The following DCHS2 variants were observed in gnomAD, a reference collection of about 807,000 sequenced individuals.
The protein encoded by DCHS2 is dachsous cadherin-related 2.
Under a neutral mutation model 182.4 loss-of-function variants are expected in DCHS2, and 142 were observed. The observed-to-expected ratio is 0.78, with a 90% CI of 0.68 to 0.89. The LOEUF (loss-of-function observed/expected upper bound fraction) is 0.89, where lower values mean the gene tolerates loss of function less well. DCHS2 is among the 40% of genes least tolerant of loss of function. The pLI, the probability that DCHS2 is intolerant of heterozygous loss-of-function variation, is 0.00. For synonymous variants in DCHS2, 1,740 were observed against 1,663.3 expected (o/e 1.05, Z -1.12); for missense variants, 4,319 against 4,198.6 (o/e 1.03, Z -0.79).
intron 8 of DCHS2, 84 bp from the exon 9 acceptor site, chr4:154,321,306 C>T: frequency 1.5e-6 from 2 of 1,322,658 alleles, no homozygotes; most frequent in Non-Finnish European, 2.0e-6. Flanking sequence ...ATTTTGAAAG[C>T]AAATTCCTTC....
intron 2 of DCHS2, among the ~76,000 whole-genome samples, chr4:154,369,239 A>G (rs1256005834): frequency 1.3e-5 from 2 of 152,184 alleles, no homozygotes; most frequent in African/African-American, 4.8e-5. Flanking sequence ...ACTTCCTCAG[A>G]CAAAAAGGGG....
chr4:154,304,527 GGAGGCT>G, intron 12 of DCHS2, 136 bp downstream of exon 12: 1 of 633,710 alleles, frequency 1.6e-6, no homozygotes, highest in Non-Finnish European at 2.6e-6. Context: ...TACCAATTTG[GGAGGCT>G]GAGGCACAAG....
At chr4:154,395,639 G>T (rs1731898706) in intron 1 of DCHS2, among the ~76,000 whole-genome samples, 1 of 152,104 alleles carries the variant, frequency 6.6e-6, no homozygotes, top group Non-Finnish European at 1.5e-5. Context: ...GTAAAACTGA[G>T]AATTTATCAA....
At chr4:154,285,919 C>A (rs943377464) in intron 13 of DCHS2, among the ~76,000 whole-genome samples, 2 of 152,092 alleles carry the variant, frequency 1.3e-5, no homozygotes, top group Non-Finnish European at 2.9e-5. Context: ...TTCAAGGGGA[C>A]CCAGTGCTGT....
At chr4:154,350,087 C>A (rs1464430178) in intron 3 of DCHS2, among the ~76,000 whole-genome samples, 1 of 152,172 alleles carries the variant, frequency 6.6e-6, no homozygotes, top group African/African-American at 2.4e-5. Context: ...ACTGCTTCTT[C>A]ATTGGAAACA....
intron 1 of DCHS2, among the ~76,000 whole-genome samples, chr4:154,477,882 C>A (rs1345386262): frequency 6.6e-6 from 1 of 152,168 alleles, no homozygotes; most frequent in Non-Finnish European, 1.5e-5. Flanking sequence ...CAGTGAATGA[C>A]TTTTCCTATA....
rs1370091695 is a variant in DCHS2 at position 154,232,582 on chromosome 4, A to G, written c.*1954T>C. 6.6e-6 allele frequency: 1 copy of G among 152,202 alleles called. No individual in the cohort carries two copies. The highest frequency in any genetic ancestry group is 1.5e-5 in the Non-Finnish European group (1 of 68,026). 9.4% of individuals were successfully genotyped at this position (152,202 alleles called of 1,614,324 possible). On this transcript the variant is annotated 3_prime_UTR_variant, in exon 20 of 20. Transcript: ENST00000357232. Reference sequence around the variant, plus strand: ...TAATTAAAAACAACAAAATGTTCTTAGTTTCCAGAAATAATTCTATTGTGA... The same window carrying G: ...TAATTAAAAACAACAAAATGTTCTTGGTTTCCAGAAATAATTCTATTGTGA...
At chr4:154,243,209 G>A (rs1356947263) in intron 16 of DCHS2, among the ~76,000 whole-genome samples, 1 of 152,118 alleles carries the variant, frequency 6.6e-6, no homozygotes, top group African/African-American at 2.4e-5. Flanking sequence ...GCCACTAAAA[G>A]ATTGCTTTGT....
chr4:154,368,005 A>T (rs1730468184), intron 2 of DCHS2, among the ~76,000 whole-genome samples: 1 of 152,108 alleles, frequency 6.6e-6, no homozygotes, highest in South Asian at 2.1e-4. Context: ...AAATAGTCTG[A>T]TTTTCCATGT....
At chr4:154,438,124 C>T (rs1457217282) in intron 1 of DCHS2, among the ~76,000 whole-genome samples, 1 of 152,192 alleles carries the variant, frequency 6.6e-6, no homozygotes, top group Non-Finnish European at 1.5e-5. Context: ...AGACATTTGC[C>T]CCTAAAATCA....
At chr4:154,413,121 C>T (rs562725122) in intron 1 of DCHS2, among the ~76,000 whole-genome samples, 2 of 152,304 alleles carry the variant, frequency 1.3e-5, no homozygotes, top group South Asian at 2.1e-4. Context: ...AACATCCAAC[C>T]ACTGGAGCCA....
At chr4:154,387,425 T>C (rs1477951333) in intron 1 of DCHS2, among the ~76,000 whole-genome samples, 1 of 151,992 alleles carries the variant, frequency 6.6e-6, no homozygotes, top group Non-Finnish European at 1.5e-5. Flanking sequence ...AAAGTGTATA[T>C]AACAAAGAAA....
rs772481916 is a variant in DCHS2, at chr4:154,335,119, GA to G, written c.2477-16del. ...GTAAATAATTCCTGGGTAGGGAAAA[GA>G]AAACATTGGTAAACAGATAACATGT... On this transcript the variant is annotated splice_polypyrimidine_tract_variant and intron_variant, in intron 3 of 19. Transcript: ENST00000357232. 1.3e-6 allele frequency: 2 copies of G among 1,483,846 alleles called. No homozygotes were observed. The highest frequency in any genetic ancestry group is 1.9e-6 in the Non-Finnish European group (2 of 1,061,648). 91.9% of individuals were successfully genotyped at this position (1,483,846 alleles called of 1,614,324 possible).
At chr4:154,249,627 T>C (rs554396467) in intron 16 of DCHS2, among the ~76,000 whole-genome samples, 83 of 152,230 alleles carry the variant, frequency 5.5e-4, no homozygotes, top group Admixed American at 5.4e-3. Flanking sequence ...TATATGTTCA[T>C]CACCACGCTA....
At chr4:154,344,044 GGA>G (rs57613058) in intron 3 of DCHS2, among the ~76,000 whole-genome samples, 73,274 of 151,342 alleles carry the variant, frequency 0.48, 17,812 homozygotes, top group African/African-American at 0.56. Flanking sequence ...GGCAGCCTGG[GGA>G]GAGAGAGAGA....
chr4:154,254,218 A>C (rs6825979), intron 16 of DCHS2, among the ~76,000 whole-genome samples: 1 of 152,156 alleles, frequency 6.6e-6, no homozygotes, highest in Admixed American at 6.5e-5. Context: ...TGTTCAGTAA[A>C]AGAGCTAAGC....
chr4:154,412,431 G>GA (rs1732670492), intron 1 of DCHS2, among the ~76,000 whole-genome samples: 1 of 152,184 alleles, frequency 6.6e-6, no homozygotes, highest in Admixed American at 6.5e-5. Flanking sequence ...TGGAATTCCA[G>GA]AAAAAGAGGA....
intron 2 of DCHS2, among the ~76,000 whole-genome samples, chr4:154,367,270 T>A (rs552156227): frequency 1.3e-5 from 2 of 152,166 alleles, no homozygotes; most frequent in South Asian, 4.2e-4. Context: ...CTAGCTGCAG[T>A]GTTCAGAACA....
intron 1 of DCHS2, chr4:154,384,477 G>A (rs766910725): frequency 1.9e-6 from 3 of 1,583,084 alleles, no homozygotes; most frequent in South Asian, 2.3e-5. Context: ...ACTGCTTGTA[G>A]GGGACTGAAT....
Sources: gnomAD v4.1 joint callset for allele counts (sites outside exome capture counted in the v4.1 genomes callset) on GRCh38, gnomAD v4.1.1 for gene constraint, MANE v1.5 for transcripts, NCBI Gene and HGNC (gene_info 2026-07-23, HGNC 2026-07-21) for gene names.